The following ZMYND8 variants were observed in gnomAD, a reference collection of about 807,000 sequenced individuals.
The protein encoded by ZMYND8 is zinc finger MYND-type containing 8.
ZMYND8 carries 37 observed loss-of-function variants against 140.8 expected under a neutral mutation model. The ratio of observed to expected loss-of-function variants is 0.26; its 90% CI spans 0.20 to 0.35. ZMYND8 has a LOEUF of 0.35. Ranked by LOEUF, ZMYND8 falls within the 10% of genes least tolerant of loss-of-function variation. The pLI is 1.00. For synonymous variants in ZMYND8, 592 were observed against 597.1 expected, an observed-to-expected ratio of 0.99 and a Z score of 0.12; for missense variants, 1,068 against 1,570.0, an observed-to-expected ratio of 0.68 and a Z score of 5.40.
At chr20:47,333,587 G>T (rs555554474) in intron 2 of ZMYND8, among the ~76,000 whole-genome samples, 1 of 151,974 alleles carries the variant, frequency 6.6e-6, no homozygotes, top group Non-Finnish European at 1.5e-5. Flanking sequence ...TTAGCTGGGC[G>T]TGGTGGCACA....
chr20:47,247,702 G>A (rs1416347772), intron 13 of ZMYND8, among the ~76,000 whole-genome samples: 3 of 152,158 alleles, frequency 2.0e-5, no homozygotes, highest in South Asian at 2.1e-4. Flanking sequence ...GCCACTGTCC[G>A]ACTTGTATAC....
At chr20:47,263,909 G>C (rs1320450489) in intron 11 of ZMYND8, among the ~76,000 whole-genome samples, 3 of 152,144 alleles carry the variant, frequency 2.0e-5, no homozygotes, top group African/African-American at 4.8e-5. Flanking sequence ...TAGGGCTTTG[G>C]GGTTATCCTC....
intron 11 of ZMYND8, among the ~76,000 whole-genome samples, chr20:47,274,639 T>C (rs1266713005): frequency 1.3e-5 from 2 of 152,312 alleles, no homozygotes; most frequent in East Asian, 3.9e-4. Context: ...ACACAAATTA[T>C]GTCAATTCCA....
At chr20:47,346,490 G>A (rs1383090193) in intron 2 of ZMYND8, among the ~76,000 whole-genome samples, 3 of 152,122 alleles carry the variant, frequency 2.0e-5, no homozygotes, top group Non-Finnish European at 4.4e-5. Context: ...AGTAAGCCAG[G>A]CCTTCCCACC....
intron 16 of ZMYND8, among the ~76,000 whole-genome samples, chr20:47,230,933 G>A (rs976864257): frequency 6.6e-6 from 1 of 152,118 alleles, no homozygotes; most frequent in African/African-American, 2.4e-5. Context: ...CATATAAATG[G>A]AATCACACAA....
chr20:47,291,868 G>C lies in ZMYND8; in HGVS notation c.588C>G (p.Pro196=), dbSNP rs961436262. 1.9e-6 allele frequency: 3 copies of C among 1,612,788 alleles called. No homozygotes were observed. Among genetic ancestry groups the C allele is most frequent in the Non-Finnish European group, 2.5e-6 (3 of 1,179,382 alleles). ...KQPGTDAFQK[P]VPLEQHPDYA... is the part of the protein sequence containing the mutation. ...AGTCAGGGTGCTGTTCCAATGGAACGGGCTTCTGGAATGCATCTGTCTATA... is the reference window on the plus strand; with the variant it reads ...AGTCAGGGTGCTGTTCCAATGGAACCGGCTTCTGGAATGCATCTGTCTATA... The change falls in exon 6 of 23, where the codon CCC becomes CCG. Residue 196 remains proline (P), a synonymous_variant. Transcript: ENST00000471951.
rs761226589 is a variant in ZMYND8, at chr20:47,262,312, C to T, written c.1597G>A (p.Gly533Ser). 1.1e-5 allele frequency: 17 copies of T among 1,613,626 alleles called. No individual in the cohort carries two copies. The highest frequency in any genetic ancestry group is 1.7e-5 in the Admixed American group (1 of 59,924). ...CCCAGGTTAAGATTCAGGATGCTGC[C>T]GGTGGTGGAGGTTTTGTCCGTTTTC... is the stretch of plus-strand genomic sequence containing the variant. ...TTKTDKTSTT[G>S]SILNLNLDRS... Residue 533 changes from glycine (G) to serine (S), a missense_variant, in exon 12 of 23, where the codon GGC becomes AGC. Gly to Ser is a moderately conservative substitution (Grantham distance 56, BLOSUM62 0). This residue lies in a region of ZMYND8 where 173 missense variants were observed against 223.3 expected (regional missense o/e 0.77). Transcript: ENST00000471951.
At chr20:47,342,366 G>A (rs1019969657) in intron 2 of ZMYND8, among the ~76,000 whole-genome samples, 30 of 150,312 alleles carry the variant, frequency 2.0e-4, no homozygotes, top group Admixed American at 3.3e-4. Flanking sequence ...CCAACATGGT[G>A]AAACCCTGCC....
chr20:47,238,656 A>G (rs992370510), intron 15 of ZMYND8, 102 bp downstream of exon 15: 1 of 1,529,958 alleles, frequency 6.5e-7, no homozygotes, highest in Non-Finnish European at 8.8e-7. Context: ...CCCGGAAACA[A>G]ACGAGAACTA....
In ZMYND8 at chr20:47,298,878, G is replaced by C. The variant is rs2077815801; in HGVS notation, c.304C>G (p.Pro102Ala). ...PLTTDPVDVVPQDGRNDFYCW... is the reference protein window; with the variant it reads ...PLTTDPVDVVAQDGRNDFYCW... The stretch of plus-strand genomic sequence containing the variant: ...TAGAAATCATTCCGTCCATCCTGCG[G>C]TACAACATCAACAGGGTCTGTGGTG... The change falls in exon 4 of 23, where the codon CCG (proline) becomes GCG (alanine). Residue 102 changes from proline to alanine, a missense_variant. Physicochemically the swap from Pro to Ala is conservative, Grantham distance 27 (BLOSUM62 -1). Transcript: ENST00000471951. The surrounding 1 kb of genome is among the most constrained non-coding windows in gnomAD (Gnocchi z 5.0). 2 of 1,614,198 alleles carry C rather than the reference G, an allele frequency of 1.2e-6. No homozygotes were observed. Among genetic ancestry groups the C allele is most frequent in the Admixed American group, 3.3e-5 (2 of 60,010 alleles).
At chr20:47,245,254 C>CT (rs113310230) in intron 14 of ZMYND8, among the ~76,000 whole-genome samples, 261 of 150,972 alleles carry the variant, frequency 1.7e-3, no homozygotes, top group South Asian at 7.2e-3. Flanking sequence ...ATGAACACTG[C>CT]TTTTTTTTTA....
At chr20:47,311,155 C>G (rs1264613742) in intron 2 of ZMYND8, among the ~76,000 whole-genome samples, 1 of 152,114 alleles carries the variant, frequency 6.6e-6, no homozygotes, top group Non-Finnish European at 1.5e-5. Flanking sequence ...AAGAACACAC[C>G]CCACCCACCG....
rs185122295 is a variant in ZMYND8, at chr20:47,281,995, T to C, written c.998+107A>G. 592 of 933,742 alleles carry C rather than the reference T, an allele frequency of 6.3e-4. 5 individuals carry two copies. The African/African-American group carries it at 6.5e-3, about 10-fold the overall frequency. 57.8% of individuals were successfully genotyped at this position (933,742 alleles called of 1,614,324 possible). A position where few individuals can be genotyped will look rare whatever the true frequency, so the allele number is the denominator to read the frequency against. On this transcript the variant is annotated intron_variant, in intron 10 of 22. Coordinates refer to ENST00000471951, the MANE Select transcript of ZMYND8 (RefSeq NM_001281775.3). ...ACAACAAGATCAATGGTTGGTATCA[T>C]GACAATAATGAGAATAATAGCTGCA... is the stretch of plus-strand genomic sequence containing the variant.
At chr20:47,244,769 C>T (rs1383279737) in intron 14 of ZMYND8, among the ~76,000 whole-genome samples, 1 of 152,184 alleles carries the variant, frequency 6.6e-6, no homozygotes. Context: ...GATTAAAAGC[C>T]AGTAAGGCCA....
intron 12 of ZMYND8, among the ~76,000 whole-genome samples, chr20:47,257,275 A>T (rs2074806991): frequency 6.6e-6 from 1 of 151,890 alleles, no homozygotes; most frequent in Non-Finnish European, 1.5e-5. Context: ...CACACACACA[A>T]ATACCATATA....
At chr20:47,229,500 T>C (rs2038182617) in intron 17 of ZMYND8, among the ~76,000 whole-genome samples, 1 of 152,178 alleles carries the variant, frequency 6.6e-6, no homozygotes, top group Non-Finnish European at 1.5e-5. Context: ...TTTTGGCTGT[T>C]TTATTAGAAA....
intron 2 of ZMYND8, among the ~76,000 whole-genome samples, chr20:47,327,631 G>A (rs2080552096): frequency 6.6e-6 from 1 of 152,034 alleles, no homozygotes; most frequent in Non-Finnish European, 1.5e-5. Flanking sequence ...ACTTCAGCCT[G>A]CGCGGCAGAG....
intron 10 of ZMYND8, among the ~76,000 whole-genome samples, chr20:47,277,671 ATTTAT>A (rs1294933829): frequency 1.3e-5 from 2 of 150,972 alleles, no homozygotes; most frequent in African/African-American, 2.4e-5. Flanking sequence ...TTATTTATTT[ATTTAT>A]TTATTTATTT....
rs1004238141 is a variant in ZMYND8 at position 47,298,325 on chromosome 20, C to T, written c.453+404G>A. On this transcript the variant is annotated intron_variant, in intron 4 of 22. Coordinates refer to ENST00000471951, the MANE Select transcript of ZMYND8 (RefSeq NM_001281775.3). The surrounding 1 kb of genome is among the most constrained non-coding windows in gnomAD (Gnocchi z 5.0). The stretch of plus-strand genomic sequence containing the variant: ...ATGCAACCAAACGTGGTCTTCTCAG[C>T]TTGGCTACTGCTGATGATTCAATGA... 3 of 985,408 alleles carry T rather than the reference C, an allele frequency of 3.0e-6. No homozygotes were observed. Among genetic ancestry groups the T allele is most frequent in the Non-Finnish European group, 3.6e-6 (3 of 829,928 alleles). The allele number at this position is 985,408 out of a possible 1,614,324, so 61.0% of individuals were successfully genotyped here. A position where few individuals can be genotyped will look rare whatever the true frequency, so the allele number is the denominator to read the frequency against.
Sources: gnomAD v4.1 joint callset for allele counts (sites outside exome capture counted in the v4.1 genomes callset) on GRCh38, gnomAD v4.1.1 for gene constraint, gnomAD v4.1.1 regional missense constraint, Gnocchi (gnomAD v3.1) non-coding constraint, MANE v1.5 for transcripts, NCBI Gene and HGNC (gene_info 2026-07-23, HGNC 2026-07-21) for gene names.